Variants in MBOAT1 observed in about 807,000 individuals in gnomAD.
The protein encoded by MBOAT1 is membrane bound glycerophospholipid O-acyltransferase 1, also known as membrane-bound glycerophospholipid O-acyltransferase 1.
Under a neutral mutation model 64.4 loss-of-function variants are expected in MBOAT1, and 67 were observed. The ratio of observed to expected loss-of-function variants is 1.04; its 90% CI spans 0.85 to 1.27. MBOAT1 has a LOEUF of 1.27. Ranked by LOEUF, MBOAT1 falls within the 50% of genes most tolerant of loss-of-function variation. The probability of loss-of-function intolerance (pLI) is 0.00; values close to 1 mark genes in which losing one functional copy is unlikely to be tolerated. For missense variants in MBOAT1, 563 were observed against 604.6 expected (o/e 0.93, Z 0.72); for synonymous variants, 229 against 218.9 (o/e 1.05, Z -0.41).
chr6:20,127,804 G>A (rs1671751266), intron 6 of MBOAT1, among the ~76,000 whole-genome samples: 1 of 151,978 alleles, frequency 6.6e-6, no homozygotes, highest in South Asian at 2.1e-4. Context: ...ATAAATGTAA[G>A]GCCCTCCTGA....
chr6:20,129,900 T>C (rs891277171), intron 5 of MBOAT1, among the ~76,000 whole-genome samples: 21 of 152,318 alleles, frequency 1.4e-4, no homozygotes, highest in African/African-American at 4.3e-4. Flanking sequence ...TGAAACCTTT[T>C]AGTACTGGGC....
chr6:20,128,862 C>A, intron 5 of MBOAT1, 109 bp from the exon 6 acceptor site: 2 of 733,080 alleles, frequency 2.7e-6, no homozygotes, highest in Non-Finnish European at 4.3e-6. Context: ...TTGTTTGCTT[C>A]ATAAATCATA....
chr6:20,155,796 G>A (rs1204909084), intron 1 of MBOAT1, among the ~76,000 whole-genome samples: 2 of 152,118 alleles, frequency 1.3e-5, no homozygotes, highest in Admixed American at 1.3e-4. Context: ...TTACCAATCA[G>A]GAACCACCAA....
At chr6:20,120,255 C>T (rs1436668862) in intron 8 of MBOAT1, among the ~76,000 whole-genome samples, 1 of 152,046 alleles carries the variant, frequency 6.6e-6, no homozygotes, top group Non-Finnish European at 1.5e-5. Context: ...TAATGGTATT[C>T]ATTTTAAAGG....
intron 1 of MBOAT1, among the ~76,000 whole-genome samples, chr6:20,178,278 T>C (rs1201761326): frequency 6.6e-6 from 1 of 152,214 alleles, no homozygotes; most frequent in Non-Finnish European, 1.5e-5. Flanking sequence ...ATTCCAAGTA[T>C]AAGCGGAAGT....
chr6:20,162,758 G>T (rs902204270), intron 1 of MBOAT1, among the ~76,000 whole-genome samples: 3 of 152,340 alleles, frequency 2.0e-5, no homozygotes, highest in African/African-American at 7.2e-5. Context: ...GGCCTCTCAA[G>T]ATCTCATTCT....
intron 1 of MBOAT1, among the ~76,000 whole-genome samples, chr6:20,182,461 A>G (rs1470018683): frequency 6.6e-6 from 1 of 152,202 alleles, no homozygotes; most frequent in African/African-American, 2.4e-5. Context: ...CATACTGCTA[A>G]TCTTCCTCCT....
chr6:20,181,067 A>T (rs1762494278), intron 1 of MBOAT1, among the ~76,000 whole-genome samples: 1 of 152,240 alleles, frequency 6.6e-6, no homozygotes, highest in Admixed American at 6.5e-5. Context: ...AAAAATAGAA[A>T]CAGGATGATT....
chr6:20,157,433 C>T (rs1025059179), intron 1 of MBOAT1, among the ~76,000 whole-genome samples: 2 of 152,120 alleles, frequency 1.3e-5, no homozygotes, highest in Admixed American at 6.5e-5. Context: ...GCAAAAATAA[C>T]GTGTAAAATG....
chr6:20,202,829 T>C (rs185696118), intron 1 of MBOAT1, among the ~76,000 whole-genome samples: 2 of 152,338 alleles, frequency 1.3e-5, no homozygotes, highest in East Asian at 1.9e-4. Flanking sequence ...GAGACTGCAA[T>C]AAGTTATCCC....
intron 12 of MBOAT1, among the ~76,000 whole-genome samples, chr6:20,103,062 C>T (rs942438491): frequency 1.3e-5 from 2 of 152,092 alleles, no homozygotes; most frequent in Admixed American, 6.5e-5. Context: ...CTATACTTTC[C>T]CATTGTTATT....
At chr6:20,204,728 G>C (rs1561788277) in intron 1 of MBOAT1, among the ~76,000 whole-genome samples, 1 of 152,174 alleles carries the variant, frequency 6.6e-6, no homozygotes, top group African/African-American at 2.4e-5. Context: ...TGAGGGATAG[G>C]AAGTAAAGAG....
chr6:20,152,313 C>T (rs544218667), intron 2 of MBOAT1, among the ~76,000 whole-genome samples: 5 of 145,310 alleles, frequency 3.4e-5, no homozygotes, highest in Non-Finnish European at 7.5e-5. Flanking sequence ...GGCGACAGAG[C>T]GAGACTCCGT....
Position 20,102,114 on chromosome 6 carries a change from CAAAAAAAAAAAAAAA to C in MBOAT1, c.*157_*171del, listed in dbSNP as rs58966886. The C allele has an allele frequency of 1.2e-4, 12 of 99,544 alleles. No individual in the cohort carries two copies. The highest frequency in any genetic ancestry group is 3.4e-4 in the African/African-American group (5 of 14,576). The allele number at this position is 99,544 out of a possible 1,614,324, so 6.2% of individuals were successfully genotyped here. A position where few individuals can be genotyped will look rare whatever the true frequency, so the allele number is the denominator to read the frequency against. ...TGGGCGACAGAGCGAGACTCCGTCT[CAAAAAAAAAAAAAAA>C]AAAAAAAAAAAAAAAATACTCCCTG... On this transcript the variant is annotated 3_prime_UTR_variant, in exon 13 of 13. Transcript: ENST00000324607.
chr6:20,110,047 T>C (rs60484563), intron 11 of MBOAT1, among the ~76,000 whole-genome samples: 6,529 of 150,100 alleles, frequency 0.043, 450 homozygotes, highest in African/African-American at 0.15. Context: ...GTAGCTGGGA[T>C]TACAGGCACC....
At chr6:20,133,310 T>C (rs1366678080) in intron 4 of MBOAT1, among the ~76,000 whole-genome samples, 1 of 152,202 alleles carries the variant, frequency 6.6e-6, no homozygotes, top group Non-Finnish European at 1.5e-5. Context: ...CTCTTTTATA[T>C]TGAAAACAAA....
intron 1 of MBOAT1, among the ~76,000 whole-genome samples, chr6:20,181,927 G>T (rs774580806): frequency 1.3e-5 from 2 of 152,186 alleles, no homozygotes; most frequent in Non-Finnish European, 2.9e-5. Context: ...CAACACTATG[G>T]GATACAAGAG....
intron 4 of MBOAT1, among the ~76,000 whole-genome samples, chr6:20,131,433 C>T (rs1470623885): frequency 6.6e-6 from 1 of 152,214 alleles, no homozygotes; most frequent in African/African-American, 2.4e-5. Context: ...CCCCCTCTCC[C>T]TTCACTCTGC....
intron 8 of MBOAT1, among the ~76,000 whole-genome samples, chr6:20,119,654 CT>C (rs1204462357): frequency 6.6e-6 from 1 of 152,162 alleles, no homozygotes; most frequent in Non-Finnish European, 1.5e-5. Flanking sequence ...GATCTGGTTT[CT>C]TTTAGAAGAA....
Sources: allele counts gnomAD v4.1 joint callset (sites outside exome capture counted in the v4.1 genomes callset), GRCh38; gene constraint gnomAD v4.1.1; transcripts MANE v1.5; gene names NCBI Gene and HGNC (gene_info 2026-07-23, HGNC 2026-07-21).